The following SENP7 variants were observed in gnomAD, a reference collection of about 807,000 sequenced individuals.
SENP7 encodes SUMO specific peptidase 7, also known as sentrin-specific protease 7.
A neutral mutation model predicts 141.2 loss-of-function variants in SENP7; 64 were observed. The ratio of observed to expected loss-of-function variants is 0.45; its 90% CI spans 0.37 to 0.56. The LOEUF (loss-of-function observed/expected upper bound fraction) is 0.56. Ranked by LOEUF, SENP7 falls within the 20% of genes least tolerant of loss-of-function variation. The pLI is 0.00. For missense variants in SENP7, 1,025 were observed against 1,212.2 expected, an observed-to-expected ratio of 0.85 and a Z score of 2.29; for synonymous variants, 382 against 426.4, an observed-to-expected ratio of 0.90 and a Z score of 1.28.
At chr3:101,472,094 C>T (rs1026547939) in intron 3 of SENP7, among the ~76,000 whole-genome samples, 21 of 152,192 alleles carry the variant, frequency 1.4e-4, no homozygotes, top group African/African-American at 4.1e-4. Flanking sequence ...GACAGTGTGG[C>T]GAATCCTCAA....
intron 11 of SENP7, chr3:101,357,330 T>C (rs1350449499): frequency 2.9e-5 from 19 of 663,966 alleles, no homozygotes; most frequent in Non-Finnish European, 3.4e-5. Flanking sequence ...CAGTGGAATT[T>C]ATATAAGGAT....
intron 3 of SENP7, among the ~76,000 whole-genome samples, chr3:101,476,465 A>G (rs775090216): frequency 1.3e-5 from 2 of 152,192 alleles, no homozygotes; most frequent in Non-Finnish European, 2.9e-5. Context: ...TCTATGGTGT[A>G]TATGTGCCAC....
chr3:101,510,842 T>TAAAAAAAA (rs1576570075), intron 1 of SENP7, among the ~76,000 whole-genome samples: 1 of 21,738 alleles, frequency 4.6e-5, no homozygotes, highest in East Asian at 1.4e-3. Context: ...AGACTCCATC[T>TAAAAAAAA]CAAAAAAAAA....
chr3:101,417,029 A>G (rs1279592095), intron 5 of SENP7, among the ~76,000 whole-genome samples: 1 of 152,172 alleles, frequency 6.6e-6, no homozygotes, highest in Non-Finnish European at 1.5e-5. Context: ...CTTTCAAAAA[A>G]CACAAAACAG....
At chr3:101,386,687 T>C (rs2107524120) in intron 6 of SENP7, among the ~76,000 whole-genome samples, 1 of 152,214 alleles carries the variant, frequency 6.6e-6, no homozygotes, top group South Asian at 2.1e-4. Flanking sequence ...AGAAAACAAG[T>C]AGTGCAATGC....
intron 11 of SENP7, chr3:101,358,430 G>A: frequency 2.5e-6 from 1 of 400,970 alleles, no homozygotes; most frequent in Non-Finnish European, 5.0e-6. Flanking sequence ...CCCTATAAAT[G>A]TGATGAATGT....
intron 16 of SENP7, among the ~76,000 whole-genome samples, chr3:101,339,725 A>C (rs2059281879): frequency 6.6e-6 from 1 of 152,040 alleles, no homozygotes; most frequent in African/African-American, 2.4e-5. Context: ...TCTCAAACAA[A>C]AAAAAAAAGA....
At chr3:101,462,228 T>C (rs2063569405) in intron 3 of SENP7, among the ~76,000 whole-genome samples, 1 of 152,062 alleles carries the variant, frequency 6.6e-6, no homozygotes. Flanking sequence ...TATGACTAAA[T>C]CTCCAGTAAG....
At chr3:101,442,524 G>A (rs2062718054) in intron 4 of SENP7, among the ~76,000 whole-genome samples, 1 of 152,112 alleles carries the variant, frequency 6.6e-6, no homozygotes, top group Non-Finnish European at 1.5e-5. Context: ...CCACCCCCTG[G>A]CTCTGCGGCC....
chr3:101,492,259 G>A (rs1260851019), intron 3 of SENP7, among the ~76,000 whole-genome samples: 3 of 151,526 alleles, frequency 2.0e-5, no homozygotes, highest in African/African-American at 4.9e-5. Context: ...CCTCTAATCC[G>A]AGATACTCAG....
intron 14 of SENP7, among the ~76,000 whole-genome samples, chr3:101,342,531 C>A (rs949843548): frequency 6.6e-6 from 1 of 152,130 alleles, no homozygotes; most frequent in African/African-American, 2.4e-5. Context: ...AATACAATGA[C>A]CAAAACTAAA....
chr3:101,331,313 T>G (rs2059043437), intron 19 of SENP7, among the ~76,000 whole-genome samples: 1 of 151,584 alleles, frequency 6.6e-6, no homozygotes, highest in Non-Finnish European at 1.5e-5. Flanking sequence ...GATCCTATCT[T>G]TACAAAAAAA....
intron 13 of SENP7, among the ~76,000 whole-genome samples, chr3:101,346,899 T>A (rs913578677): frequency 5.8e-5 from 8 of 137,038 alleles, no homozygotes; most frequent in African/African-American, 1.9e-4. Flanking sequence ...CAAAAACCCA[T>A]GGAAATAAAA....
intron 4 of SENP7, 121 bp downstream of exon 4, chr3:101,458,834 G>A (rs2063447105): frequency 3.3e-6 from 2 of 605,210 alleles, no homozygotes; most frequent in Non-Finnish European, 5.8e-6. Flanking sequence ...AGAGTCCACT[G>A]AATTCAAACC....
intron 17 of SENP7, among the ~76,000 whole-genome samples, chr3:101,335,340 TGATGTG>T (rs1486554035): frequency 6.6e-6 from 1 of 152,196 alleles, no homozygotes; most frequent in East Asian, 1.9e-4. Flanking sequence ...TAGAGCCTTT[TGATGTG>T]GATTTATTGG....
At chr3:101,355,097 T>C (rs2059705053) in intron 11 of SENP7, among the ~76,000 whole-genome samples, 1 of 152,192 alleles carries the variant, frequency 6.6e-6, no homozygotes, top group Non-Finnish European at 1.5e-5. Context: ...TTAAGTTCCT[T>C]ATAGATGCTA....
chr3:101,357,941 C>T lies in SENP7; in HGVS notation c.1623+3774G>A, dbSNP rs376897921. 2.1e-4 allele frequency: 138 copies of T among 667,862 alleles called. No homozygotes were observed. In the East Asian group the frequency reaches 5.6e-3, roughly 27 times the overall value. The allele number at this position is 667,862 out of a possible 1,614,324, so 41.4% of individuals were successfully genotyped here. A position where few individuals can be genotyped will look rare whatever the true frequency, so the allele number is the denominator to read the frequency against. On this transcript the variant is annotated intron_variant, in intron 11 of 23. Coordinates refer to ENST00000394095, the MANE Select transcript of SENP7 (RefSeq NM_020654.5). ...AGAGAAACCCTACAGATGTAGAGAA[C>T]GTGGCAAAGCTTTTAACCACCCCTC...
chr3:101,340,671 C>T (rs1056510238), intron 15 of SENP7, among the ~76,000 whole-genome samples: 6 of 152,126 alleles, frequency 3.9e-5, no homozygotes, highest in African/African-American at 1.4e-4. Context: ...CTCCTGGTGG[C>T]TAATCTATAC....
At chr3:101,407,992 G>A (rs1317809301) in intron 5 of SENP7, among the ~76,000 whole-genome samples, 1 of 151,982 alleles carries the variant, frequency 6.6e-6, no homozygotes, top group African/African-American at 2.4e-5. Context: ...GAAACAAAAA[G>A]CTGGTTTTCT....
Sources: gnomAD v4.1 joint callset for allele counts (sites outside exome capture counted in the v4.1 genomes callset) on GRCh38, gnomAD v4.1.1 for gene constraint, MANE v1.5 for transcripts, NCBI Gene and HGNC (gene_info 2026-07-23, HGNC 2026-07-21) for gene names.